MTHFD1: variants seen among roughly 807,000 people sequenced by gnomAD.
The protein encoded by MTHFD1 is C-1-tetrahydrofolate synthase, cytoplasmic.
A neutral mutation model predicts 110.3 loss-of-function variants in MTHFD1; 44 were observed. The observed-to-expected ratio is 0.40, with a 90% CI of 0.31 to 0.51. MTHFD1 has a LOEUF of 0.51. MTHFD1 is among the 20% of genes least tolerant of loss of function. MTHFD1 has a pLI of 0.60. For synonymous variants in MTHFD1, 402 were observed against 428.8 expected (o/e 0.94, Z 0.77); for missense variants, 909 against 1,173.1 (o/e 0.77, Z 3.29).
intron 27 of MTHFD1, chr14:64,458,676 G>A (rs940008952): frequency 6.0e-5 from 21 of 347,112 alleles, no homozygotes; most frequent in African/African-American, 2.8e-4. Context: ...AACAGCTGAC[G>A]GTCTGTATAC....
intron 4 of MTHFD1, among the ~76,000 whole-genome samples, chr14:64,412,742 A>G (rs2077994447): frequency 6.6e-6 from 1 of 151,016 alleles, no homozygotes; most frequent in South Asian, 2.1e-4. Context: ...GGTTCAAGCA[A>G]TTCTCCTGCC....
intron 15 of MTHFD1, 36 bp downstream of exon 15, chr14:64,431,897 T>C (rs1474100395): frequency 1.3e-6 from 2 of 1,541,050 alleles, no homozygotes; most frequent in African/African-American, 2.7e-5. Context: ...TTATATTGTA[T>C]GGAATCTGGA....
intron 22 of MTHFD1, among the ~76,000 whole-genome samples, chr14:64,446,142 A>G (rs1377538959): frequency 6.6e-6 from 1 of 152,236 alleles, no homozygotes; most frequent in African/African-American, 2.4e-5. Context: ...CCCTTTGTAA[A>G]AAATAATAAT....
In MTHFD1 at chr14:64,458,582, G is replaced by A. The variant is rs1301445681; in HGVS notation, c.*4+275G>A. On this transcript the variant is annotated intron_variant, in intron 27 of 27. Coordinates refer to ENST00000652337, the MANE Select transcript of MTHFD1 (RefSeq NM_005956.4). ...AAACTGCTGTCCAATAAACTACAGA[G>A]GAAACTACAGGAGAGGTTAGACTCC... 1.3e-5 allele frequency: 6 copies of A among 469,300 alleles called. No individual in the cohort carries two copies. In the East Asian group the frequency reaches 1.3e-4, roughly 10 times the overall value. The allele number at this position is 469,300 out of a possible 1,614,324, so 29.1% of individuals were successfully genotyped here. A position where few individuals can be genotyped will look rare whatever the true frequency, so the allele number is the denominator to read the frequency against.
chr14:64,431,059 T>G (rs1174654918), intron 13 of MTHFD1, among the ~76,000 whole-genome samples: 2 of 148,302 alleles, frequency 1.3e-5, no homozygotes, highest in African/African-American at 2.6e-5. Context: ...TTATGTTTTC[T>G]TTTTCTTTTT....
intron 3 of MTHFD1, 51 bp downstream of exon 3, chr14:64,411,200 C>T: frequency 7.1e-7 from 1 of 1,406,100 alleles, no homozygotes; most frequent in Non-Finnish European, 1.0e-6. Flanking sequence ...CACCTGGGTC[C>T]TATCGATTAC....
chr14:64,453,472 G>A (rs1475449705), intron 24 of MTHFD1, among the ~76,000 whole-genome samples: 1 of 152,172 alleles, frequency 6.6e-6, no homozygotes, highest in Non-Finnish European at 1.5e-5. Context: ...TCGGGAGGCT[G>A]AGGCAGGAGA....
intron 6 of MTHFD1, among the ~76,000 whole-genome samples, chr14:64,416,316 A>C (rs1192106368): frequency 4.6e-5 from 7 of 152,208 alleles, no homozygotes; most frequent in Non-Finnish European, 1.0e-4. Flanking sequence ...CTGGGAGACA[A>C]CGGAACCAAG....
At chr14:64,416,993 C>T (rs997910946) in intron 6 of MTHFD1, among the ~76,000 whole-genome samples, 21 of 152,118 alleles carry the variant, frequency 1.4e-4, no homozygotes, top group African/African-American at 3.1e-4. Flanking sequence ...TGATTTTATG[C>T]GAGAAGCACA....
intron 1 of MTHFD1, among the ~76,000 whole-genome samples, chr14:64,390,650 G>A (rs921311870): frequency 6.6e-6 from 1 of 151,022 alleles, no homozygotes; most frequent in African/African-American, 2.4e-5. Flanking sequence ...TGTCCAGCTA[G>A]TTTGTTTGTT....
intron 9 of MTHFD1, 129 bp downstream of exon 9, chr14:64,425,060 A>G (rs2078108307): frequency 8.7e-7 from 1 of 1,149,998 alleles, no homozygotes; most frequent in Admixed American, 2.1e-5. Context: ...GAAAAAGGGA[A>G]GGGAAGAATA....
chr14:64,407,237 G>A (rs916942214), intron 2 of MTHFD1, among the ~76,000 whole-genome samples: 1 of 152,090 alleles, frequency 6.6e-6, no homozygotes, highest in Non-Finnish European at 1.5e-5. Flanking sequence ...AGGCCAAGGC[G>A]AGTGGATTGC....
chr14:64,432,631 A>G (rs2140969075), intron 15 of MTHFD1, among the ~76,000 whole-genome samples: 1 of 152,380 alleles, frequency 6.6e-6, no homozygotes, highest in South Asian at 2.1e-4. Context: ...GCATGCCTCC[A>G]TTTATATGAT....
At chr14:64,426,493 CAG>C (rs1346461776) in intron 11 of MTHFD1, among the ~76,000 whole-genome samples, 1 of 152,126 alleles carries the variant, frequency 6.6e-6, no homozygotes, top group South Asian at 2.1e-4. Context: ...TGTTTTGAGA[CAG>C]AGTCTCGCTC....
chr14:64,407,975 G>A (rs971103139), intron 2 of MTHFD1, among the ~76,000 whole-genome samples: 2 of 152,112 alleles, frequency 1.3e-5, no homozygotes, highest in Non-Finnish European at 2.9e-5. Context: ...ATCTTCATAA[G>A]GTTTTCTGAA....
chr14:64,441,498 CAG>C, intron 19 of MTHFD1, 45 bp downstream of exon 19: 2 of 1,588,034 alleles, frequency 1.3e-6, no homozygotes, highest in Non-Finnish European at 1.7e-6. Flanking sequence ...TTTGGACAGT[CAG>C]AGCAGAGTGG....
At chr14:64,433,785 CGTTGGGAAGCTGAGGCAG>C (rs967850196) in intron 15 of MTHFD1, among the ~76,000 whole-genome samples, 1 of 145,576 alleles carries the variant, frequency 6.9e-6, no homozygotes, top group African/African-American at 2.6e-5. Context: ...AATCCCAGAA[CGTTGGGAAGCTGAGGCAG>C]GTGGATCACC....
At chr14:64,410,812 C>T (rs2077977987) in intron 2 of MTHFD1, among the ~76,000 whole-genome samples, 1 of 152,066 alleles carries the variant, frequency 6.6e-6, no homozygotes, top group Non-Finnish European at 1.5e-5. Flanking sequence ...CTGCAGCATC[C>T]TTGCTTAGTT....
intron 24 of MTHFD1, among the ~76,000 whole-genome samples, chr14:64,453,194 A>G (rs980584954): frequency 8.5e-5 from 13 of 152,126 alleles, no homozygotes; most frequent in Non-Finnish European, 1.9e-4. Flanking sequence ...GTATGTGTGT[A>G]TATGTATATC....
Sources: allele counts gnomAD v4.1 joint callset (sites outside exome capture counted in the v4.1 genomes callset), GRCh38; gene constraint gnomAD v4.1.1; transcripts MANE v1.5; gene names NCBI Gene and HGNC (gene_info 2026-07-23, HGNC 2026-07-21).